The following MAPK10 variants were observed in gnomAD, a reference collection of about 807,000 sequenced individuals.
MAPK10 encodes mitogen-activated protein kinase 10, also known as JNK3 alpha protein kinase.
In MAPK10, 25 loss-of-function variants were observed where a neutral mutation model predicts 59.3. The observed-to-expected ratio is 0.42, with a 90% CI of 0.31 to 0.59. The LOEUF (loss-of-function observed/expected upper bound fraction) is 0.59, where lower values mean the gene tolerates loss of function less well. Ranked by LOEUF, MAPK10 falls within the 20% of genes least tolerant of loss-of-function variation. The pLI is 0.15. For synonymous variants in MAPK10, 190 were observed against 200.5 expected, an observed-to-expected ratio of 0.95 and a Z score of 0.44; for missense variants, 351 against 568.9, an observed-to-expected ratio of 0.62 and a Z score of 3.90.
intron 1 of MAPK10, among the ~76,000 whole-genome samples, chr4:86,444,008 T>C (rs1238600060): frequency 6.6e-6 from 1 of 151,230 alleles, no homozygotes; most frequent in African/African-American, 2.4e-5. Context: ...TTTGAGGATA[T>C]GTCAATAGAA....
intron 2 of MAPK10, among the ~76,000 whole-genome samples, chr4:86,338,549 C>T (rs1231000789): frequency 6.6e-6 from 1 of 152,146 alleles, no homozygotes; most frequent in Non-Finnish European, 1.5e-5. Context: ...GTGAGTCCAG[C>T]TTCAGATTCT....
At chr4:86,243,476 T>G (rs555953125) in intron 2 of MAPK10, among the ~76,000 whole-genome samples, 1 of 152,254 alleles carries the variant, frequency 6.6e-6, no homozygotes, top group East Asian at 1.9e-4. Context: ...CCTGATAGGT[T>G]TTTACAATCT....
intron 1 of MAPK10, among the ~76,000 whole-genome samples, chr4:86,577,394 G>C (rs1334849305): frequency 1.3e-5 from 2 of 151,940 alleles, no homozygotes; most frequent in Non-Finnish European, 2.9e-5. Flanking sequence ...ATAAGACTCA[G>C]AAATAAAGAA....
chr4:86,170,198 A>T (rs147692752), intron 3 of MAPK10, among the ~76,000 whole-genome samples: 3 of 152,082 alleles, frequency 2.0e-5, no homozygotes, highest in Non-Finnish European at 4.4e-5. Flanking sequence ...AGGATCAAAT[A>T]CACACATCAC....
chr4:86,072,341 G>A (rs1387194061), intron 9 of MAPK10, among the ~76,000 whole-genome samples: 1 of 152,040 alleles, frequency 6.6e-6, no homozygotes, highest in Non-Finnish European at 1.5e-5. Flanking sequence ...TCTCCAAACA[G>A]GGACAATTTG....
intron 4 of MAPK10, among the ~76,000 whole-genome samples, chr4:86,155,757 C>G (rs2067580115): frequency 6.6e-6 from 1 of 152,074 alleles, no homozygotes; most frequent in African/African-American, 2.4e-5. Context: ...GTTCTTTCCT[C>G]ATTAAGTTGG....
chr4:86,212,159 TA>T (rs147969300), intron 2 of MAPK10, among the ~76,000 whole-genome samples: 12,866 of 149,014 alleles, frequency 0.086, 1,205 homozygotes, highest in African/African-American at 0.23. Context: ...AGAATGGATT[TA>T]AAAAAAAAAC....
chr4:86,374,592 G>A (rs1739479937), intron 1 of MAPK10, among the ~76,000 whole-genome samples: 2 of 152,064 alleles, frequency 1.3e-5, no homozygotes, highest in Admixed American at 6.6e-5. Flanking sequence ...GGCAGAAGAA[G>A]CCCTTCAAGG....
At chr4:86,206,266 A>C (rs1032672387) in intron 2 of MAPK10, among the ~76,000 whole-genome samples, 43 of 151,538 alleles carry the variant, frequency 2.8e-4, no homozygotes, top group African/African-American at 1.0e-3. Context: ...GCATTGTTCA[A>C]TTCCCACCTA....
At chr4:86,196,799 C>G (rs923670072) in intron 2 of MAPK10, among the ~76,000 whole-genome samples, 1 of 152,156 alleles carries the variant, frequency 6.6e-6, no homozygotes, top group African/African-American at 2.4e-5. Context: ...TTTCCTAACA[C>G]CATTTATTAA....
chr4:86,203,288 T>C (rs1325149559), intron 2 of MAPK10, among the ~76,000 whole-genome samples: 1 of 151,954 alleles, frequency 6.6e-6, no homozygotes, highest in Non-Finnish European at 1.5e-5. Flanking sequence ...ATGAATGAAA[T>C]ACACTTAAGA....
intron 1 of MAPK10, among the ~76,000 whole-genome samples, chr4:86,404,554 C>T (rs1265771269): frequency 6.6e-6 from 1 of 152,136 alleles, no homozygotes; most frequent in African/African-American, 2.4e-5. Flanking sequence ...GGAGGTTTAT[C>T]ACTGTTTATA....
chr4:86,149,379 G>A (rs976014280), intron 4 of MAPK10, among the ~76,000 whole-genome samples: 2 of 152,046 alleles, frequency 1.3e-5, no homozygotes, highest in African/African-American at 2.4e-5. Context: ...CGATTCTCCC[G>A]CCTCAGCCCC....
intron 1 of MAPK10, among the ~76,000 whole-genome samples, chr4:86,418,058 C>T (rs1374323269): frequency 2.6e-5 from 4 of 152,140 alleles, no homozygotes; most frequent in African/African-American, 4.8e-5. Flanking sequence ...GCAGCACCTG[C>T]GTCTGCTACA....
chr4:86,516,295 T>C (rs972892581), intron 1 of MAPK10, among the ~76,000 whole-genome samples: 2 of 152,206 alleles, frequency 1.3e-5, no homozygotes, highest in Admixed American at 6.5e-5. Flanking sequence ...ACTTGTAGCA[T>C]AGTTTGAAGT....
At chr4:86,153,268 T>C (rs1327765944) in intron 4 of MAPK10, among the ~76,000 whole-genome samples, 2 of 152,218 alleles carry the variant, frequency 1.3e-5, no homozygotes, top group African/African-American at 2.4e-5. Flanking sequence ...CAACAAATGA[T>C]TTACAGAAAA....
intron 9 of MAPK10, among the ~76,000 whole-genome samples, chr4:86,070,072 C>G (rs1312615780): frequency 6.6e-6 from 1 of 152,136 alleles, no homozygotes; most frequent in Non-Finnish European, 1.5e-5. Context: ...AAATGAAACA[C>G]TGTTGTGATT....
chr4:86,035,592 G>T (rs1165210100), intron 11 of MAPK10, among the ~76,000 whole-genome samples: 1 of 151,550 alleles, frequency 6.6e-6, no homozygotes, highest in Non-Finnish European at 1.5e-5. Flanking sequence ...AAAGATGAGG[G>T]TGAACGAAAG....
At chr4:86,206,211 A>G (rs2083892372) in intron 2 of MAPK10, among the ~76,000 whole-genome samples, 1 of 150,994 alleles carries the variant, frequency 6.6e-6, no homozygotes, top group Non-Finnish European at 1.5e-5. Context: ...CCACCTCGCA[A>G]CAGTCCCCAG....
Sources: gnomAD v4.1 joint callset for allele counts (sites outside exome capture counted in the v4.1 genomes callset) on GRCh38, gnomAD v4.1.1 for gene constraint, MANE v1.5 for transcripts, NCBI Gene and HGNC (gene_info 2026-07-23, HGNC 2026-07-21) for gene names.